Variants in MAST4 observed in about 807,000 individuals in gnomAD.
MAST4 encodes microtubule associated serine/threonine kinase family member 4, also known as microtubule-associated serine/threonine-protein kinase 4.
Under a neutral mutation model 162.7 loss-of-function variants are expected in MAST4, and 89 were observed. The ratio of observed to expected loss-of-function variants is 0.55; its 90% confidence interval spans 0.46 to 0.65. MAST4 has a LOEUF of 0.65. Ranked by LOEUF, MAST4 falls within the 30% of genes least tolerant of loss-of-function variation. The pLI is 0.00. For synonymous variants in MAST4, 1,479 were observed against 1,361.1 expected (o/e 1.09, Z -1.91); for missense variants, 3,153 against 3,374.0 (o/e 0.93, Z 1.62).
At chr5:67,007,396 G>A (rs1752167896) in intron 4 of MAST4, among the ~76,000 whole-genome samples, 1 of 152,184 alleles carries the variant, frequency 6.6e-6, no homozygotes, top group Admixed American at 6.5e-5. Context: ...ACACCTTGCT[G>A]TCATCATCAG....
intron 3 of MAST4, among the ~76,000 whole-genome samples, chr5:66,804,126 A>C (rs561774678): frequency 1.3e-5 from 2 of 152,286 alleles, no homozygotes; most frequent in East Asian, 3.8e-4. Context: ...TTGGTTTATT[A>C]ATAATTTGCT....
intron 4 of MAST4, among the ~76,000 whole-genome samples, chr5:67,020,771 C>T (rs1753877163): frequency 6.6e-6 from 1 of 152,092 alleles, no homozygotes; most frequent in Non-Finnish European, 1.5e-5. Flanking sequence ...ATCAGCAAGC[C>T]TTTTTTGTAC....
In MAST4 at chr5:66,887,210, A is replaced by T. The variant is rs140576687; in HGVS notation, c.643-12741A>T. Among the ~76,000 whole-genome samples, 763 of 152,358 alleles carry T rather than the reference A, an allele frequency of 5.0e-3. 5 individuals are homozygous for T. Among genetic ancestry groups the T allele is most frequent in the African/African-American group, 0.018 (733 of 41,596 alleles). On this transcript the variant is annotated intron_variant, in intron 3 of 28. Transcript: ENST00000403625. ...TGTGCAGCCCTCCCAAATATATTTT[A>T]AAAAAGGGAAACAACTTGACAGATC...
At chr5:67,136,130 T>C (rs1362937966) in intron 18 of MAST4, among the ~76,000 whole-genome samples, 1 of 152,176 alleles carries the variant, frequency 6.6e-6, no homozygotes. Context: ...AAATTCTCAG[T>C]TGAGGAAATT....
intron 1 of MAST4, among the ~76,000 whole-genome samples, chr5:66,666,291 C>A (rs531817123): frequency 1.3e-5 from 2 of 152,090 alleles, no homozygotes; most frequent in South Asian, 2.1e-4. Context: ...CTCTTCAGAC[C>A]GCTCTCTGAT....
At chr5:67,133,187 CTTA>C (rs949579875) in intron 16 of MAST4, among the ~76,000 whole-genome samples, 1 of 146,406 alleles carries the variant, frequency 6.8e-6, no homozygotes, top group African/African-American at 2.5e-5. Flanking sequence ...TTTTTATTTT[CTTA>C]TTGTGAAAAT....
intron 3 of MAST4, among the ~76,000 whole-genome samples, chr5:66,866,087 A>AG (rs1167552786): frequency 1.3e-5 from 2 of 151,776 alleles, no homozygotes; most frequent in Non-Finnish European, 2.9e-5. Flanking sequence ...AAAAAAAAAA[A>AG]AAAAATCAGG....
chr5:66,652,473 C>T (rs945854282), intron 1 of MAST4, among the ~76,000 whole-genome samples: 1 of 152,166 alleles, frequency 6.6e-6, no homozygotes, highest in African/African-American at 2.4e-5. Flanking sequence ...GATGGTTGCT[C>T]TGTTTTCCTA....
chr5:66,937,300 G>T (rs1742852814), intron 4 of MAST4, among the ~76,000 whole-genome samples: 1 of 152,096 alleles, frequency 6.6e-6, no homozygotes, highest in East Asian at 1.9e-4. Flanking sequence ...AAGGACTAAA[G>T]GGTACCTCAG....
intron 4 of MAST4, among the ~76,000 whole-genome samples, chr5:66,913,273 G>C (rs71626470): frequency 0.033 from 4,972 of 150,820 alleles, 148 homozygotes; most frequent in African/African-American, 0.077. Flanking sequence ...CTTTGTCATT[G>C]CTCCCCCACC....
At chr5:66,966,353 AT>A (rs1746730812) in intron 4 of MAST4, among the ~76,000 whole-genome samples, 1 of 152,240 alleles carries the variant, frequency 6.6e-6, no homozygotes, top group South Asian at 2.1e-4. Flanking sequence ...TTATTAAAGA[AT>A]GAATAAATGA....
chr5:66,791,498 A>G (rs192610381), intron 3 of MAST4, among the ~76,000 whole-genome samples: 6 of 152,354 alleles, frequency 3.9e-5, no homozygotes, highest in Non-Finnish European at 5.9e-5. Context: ...CTATCAGATG[A>G]CATTGTTATC....
chr5:66,787,154 A>T (rs1271108166), intron 2 of MAST4, among the ~76,000 whole-genome samples: 1 of 152,216 alleles, frequency 6.6e-6, no homozygotes, highest in African/African-American at 2.4e-5. Context: ...CTAAATAGTT[A>T]ACATTTACTG....
At chr5:66,750,764 A>C (rs1021946957) in intron 1 of MAST4, among the ~76,000 whole-genome samples, 11 of 152,196 alleles carry the variant, frequency 7.2e-5, no homozygotes, top group Non-Finnish European at 1.3e-4. Context: ...AACAAAGCAG[A>C]GGGGAAGCTC....
chr5:66,679,467 C>T (rs1186674022), intron 1 of MAST4, among the ~76,000 whole-genome samples: 1 of 152,138 alleles, frequency 6.6e-6, no homozygotes, highest in Non-Finnish European at 1.5e-5. Context: ...GCTTCTGTGT[C>T]AGAGTACTTT....
rs764962145 is a variant in MAST4 at position 66,617,295 on chromosome 5, G to C, written c.363+20277G>C. Among the ~76,000 whole-genome samples, 40 of 152,200 alleles carry C rather than the reference G, an allele frequency of 2.6e-4. 3 individuals are homozygous for C. Among genetic ancestry groups the C allele is most frequent in the Admixed American group, 6.5e-5 (1 of 15,288 alleles). ...GAAGGCCAGTGCTGAGCACTGCACA[G>C]TTGCTTTATGTGCATTATGGCATTT... On this transcript the variant is annotated intron_variant, in intron 1 of 28. Coordinates refer to ENST00000403625, the MANE Select transcript of MAST4 (RefSeq NM_001164664.2).
intron 4 of MAST4, among the ~76,000 whole-genome samples, chr5:67,040,468 C>T (rs115822571): frequency 7.7e-4 from 118 of 152,300 alleles, no homozygotes; most frequent in African/African-American, 2.7e-3. Flanking sequence ...CCACATCCCA[C>T]CTGTCTACCA....
At chr5:66,719,678 G>A (rs1038856185) in intron 1 of MAST4, among the ~76,000 whole-genome samples, 18 of 152,124 alleles carry the variant, frequency 1.2e-4, no homozygotes, top group Non-Finnish European at 2.2e-4. Flanking sequence ...AGCCCCACAT[G>A]CATTAGGTAT....
intron 4 of MAST4, among the ~76,000 whole-genome samples, chr5:66,961,322 G>A (rs1026421761): frequency 1.3e-5 from 2 of 152,176 alleles, no homozygotes; most frequent in African/African-American, 4.8e-5. Flanking sequence ...CACAGCAAAT[G>A]TGTAGAACAG....
Sources: gnomAD v4.1 joint callset for allele counts (sites outside exome capture counted in the v4.1 genomes callset) on GRCh38, gnomAD v4.1.1 for gene constraint, MANE v1.5 for transcripts, NCBI Gene and HGNC (gene_info 2026-07-23, HGNC 2026-07-21) for gene names.